SPAG16: variants seen among roughly 807,000 people sequenced by gnomAD.
SPAG16 encodes sperm associated antigen 16, also known as sperm-associated antigen 16 protein.
In SPAG16, 86 loss-of-function variants were observed where a neutral mutation model predicts 80.4. That is an observed-to-expected ratio of 1.07 (90% CI 0.90 to 1.28). SPAG16 has a LOEUF of 1.28. SPAG16 is among the 50% of genes most tolerant of loss of function. The probability of loss-of-function intolerance (pLI) is 0.00; values close to 1 mark genes in which losing one functional copy is unlikely to be tolerated. For synonymous variants in SPAG16, 294 were observed against 265.9 expected (o/e 1.11, Z -1.03); for missense variants, 870 against 765.3 (o/e 1.14, Z -1.61).
chr2:213,383,273 A>G (rs916625566), intron 9 of SPAG16, among the ~76,000 whole-genome samples: 3 of 152,158 alleles, frequency 2.0e-5, no homozygotes, highest in Non-Finnish European at 4.4e-5. Context: ...TGCTGATATT[A>G]TTCCTATTAT....
chr2:214,405,846 C>T (rs1431471844), intron 15 of SPAG16, among the ~76,000 whole-genome samples: 1 of 152,066 alleles, frequency 6.6e-6, no homozygotes, highest in Non-Finnish European at 1.5e-5. Flanking sequence ...TGTGAGTCTC[C>T]TTCTTCATTT....
chr2:214,128,630 T>A (rs1489654571), intron 14 of SPAG16, among the ~76,000 whole-genome samples: 1 of 151,902 alleles, frequency 6.6e-6, no homozygotes, highest in Non-Finnish European at 1.5e-5. Context: ...ATCTAACGGA[T>A]TTCAATTCAA....
chr2:213,861,296 AT>A (rs1447031942), intron 10 of SPAG16, among the ~76,000 whole-genome samples: 1 of 152,196 alleles, frequency 6.6e-6, no homozygotes, highest in African/African-American at 2.4e-5. Flanking sequence ...AATGATATTA[AT>A]GTAAGATATA....
Position 214,264,510 on chromosome 2 carries a change from T to C in SPAG16, c.1720+115244T>C, listed in dbSNP as rs144595663. On this transcript the variant is annotated intron_variant, in intron 15 of 15. Transcript: ENST00000331683. ...TTACAGAAAAATTGGACAGAAGGTA[T>C]AGGAAGTTTTCATATACCCCCTCTC... Among the ~76,000 whole-genome samples, 512 of 152,292 alleles carry C rather than the reference T, an allele frequency of 3.4e-3. 1 individual carries two copies. The highest frequency in any genetic ancestry group is 0.012 in the African/African-American group (496 of 41,568).
chr2:213,987,824 A>C (rs2046088433), intron 12 of SPAG16, among the ~76,000 whole-genome samples: 1 of 147,696 alleles, frequency 6.8e-6, no homozygotes, highest in South Asian at 2.1e-4. Flanking sequence ...ATATATATAC[A>C]TATTTATATT....
intron 12 of SPAG16, among the ~76,000 whole-genome samples, chr2:213,932,415 C>A (rs1307520866): frequency 6.6e-6 from 1 of 151,758 alleles, no homozygotes; most frequent in Non-Finnish European, 1.5e-5. Flanking sequence ...GGGGTTTCAC[C>A]ATGTTGGCCA....
chr2:214,052,376 G>A lies in SPAG16; in HGVS notation c.1527+38299G>A, dbSNP rs911760604. On this transcript the variant is annotated intron_variant, in intron 13 of 15. Coordinates refer to ENST00000331683, the MANE Select transcript of SPAG16 (RefSeq NM_024532.5). ...TGTTCACAGTTACACAGCTTTCAACGTTTTCTGGTTTAACTCAGAGCGCAG... is the reference window on the plus strand; with the variant it reads ...TGTTCACAGTTACACAGCTTTCAACATTTTCTGGTTTAACTCAGAGCGCAG... Among the ~76,000 whole-genome samples, 8 of 152,126 alleles carry A rather than the reference G, an allele frequency of 5.3e-5. No individual in the cohort carries two copies. In the South Asian group the frequency reaches 6.2e-4, roughly 12 times the overall value.
chr2:213,470,379 T>G (rs934194833), intron 9 of SPAG16, among the ~76,000 whole-genome samples: 3 of 152,204 alleles, frequency 2.0e-5, no homozygotes, highest in Non-Finnish European at 4.4e-5. Context: ...TAAGGCATTC[T>G]GTGAGTCCAT....
intron 10 of SPAG16, among the ~76,000 whole-genome samples, chr2:213,632,260 A>AT (rs550796330): frequency 6.6e-6 from 1 of 151,286 alleles, no homozygotes; most frequent in African/African-American, 2.4e-5. Flanking sequence ...TCCTTTTTAA[A>AT]TTTTTTTTCA....
chr2:214,286,894 A>T (rs1693407622), intron 15 of SPAG16, among the ~76,000 whole-genome samples: 1 of 152,236 alleles, frequency 6.6e-6, no homozygotes, highest in South Asian at 2.1e-4. Context: ...CACTTCCATG[A>T]ATCTCATCTT....
At chr2:214,063,232 T>C (rs898373836) in intron 13 of SPAG16, among the ~76,000 whole-genome samples, 1 of 152,170 alleles carries the variant, frequency 6.6e-6, no homozygotes, top group Non-Finnish European at 1.5e-5. Flanking sequence ...TCCAGGCACA[T>C]TGGTTTCCTT....
chr2:213,837,456 T>C (rs1376167427), intron 10 of SPAG16, among the ~76,000 whole-genome samples: 1 of 152,220 alleles, frequency 6.6e-6, no homozygotes, highest in African/African-American at 2.4e-5. Context: ...CTTTTAAACA[T>C]GCAAAAGTCA....
intron 14 of SPAG16, among the ~76,000 whole-genome samples, chr2:214,137,783 C>T (rs1426684827): frequency 7.3e-6 from 1 of 137,398 alleles, no homozygotes; most frequent in South Asian, 2.5e-4. Context: ...AAAAAATAAT[C>T]CTATAAATAT....
At chr2:214,384,156 G>C (rs1700618088) in intron 15 of SPAG16, among the ~76,000 whole-genome samples, 2 of 152,142 alleles carry the variant, frequency 1.3e-5, no homozygotes, top group African/African-American at 4.8e-5. Context: ...TTAACATAAA[G>C]TACACTTCCC....
chr2:213,969,916 A>G (rs2106376464), intron 12 of SPAG16, among the ~76,000 whole-genome samples: 1 of 152,316 alleles, frequency 6.6e-6, no homozygotes, highest in Non-Finnish European at 1.5e-5. Context: ...CTATTATAAG[A>G]AAATGCCTTA....
At chr2:213,596,449 T>C (rs2124949110) in intron 10 of SPAG16, among the ~76,000 whole-genome samples, 1 of 152,238 alleles carries the variant, frequency 6.6e-6, no homozygotes, top group South Asian at 2.1e-4. Flanking sequence ...TTTCAAACCA[T>C]ACTCACTTTT....
At chr2:213,718,363 C>T (rs535783208) in intron 10 of SPAG16, among the ~76,000 whole-genome samples, 20 of 152,028 alleles carry the variant, frequency 1.3e-4, no homozygotes, top group Non-Finnish European at 2.2e-4. Context: ...CTCGGCACCC[C>T]CCCTGCCTGG....
intron 12 of SPAG16, among the ~76,000 whole-genome samples, chr2:214,002,950 T>C (rs555908096): frequency 5.3e-5 from 8 of 152,210 alleles, no homozygotes; most frequent in African/African-American, 1.7e-4. Flanking sequence ...CACATAAAAT[T>C]ATCGCATTGA....
intron 9 of SPAG16, among the ~76,000 whole-genome samples, chr2:213,473,276 A>G (rs1413642160): frequency 1.3e-5 from 2 of 152,016 alleles, no homozygotes; most frequent in Non-Finnish European, 2.9e-5. Context: ...CTTGCTTTTG[A>G]TGGTTGAGTG....
Sources: allele counts gnomAD v4.1 joint callset (sites outside exome capture counted in the v4.1 genomes callset), GRCh38; gene constraint gnomAD v4.1.1; transcripts MANE v1.5; gene names NCBI Gene and HGNC (gene_info 2026-07-23, HGNC 2026-07-21).